FBN1: variants seen among roughly 807,000 people sequenced by gnomAD.
FBN1 encodes the protein fibrillin 1.
FBN1 carries 29 observed loss-of-function variants against 365.1 expected under a neutral mutation model. The observed-to-expected ratio is 0.08, with a 90% CI of 0.06 to 0.11. The LOEUF is 0.11. Ranked by LOEUF, FBN1 falls within the 10% of genes least tolerant of loss-of-function variation. The pLI is 1.00. For missense variants in FBN1, 2,476 were observed against 3,703.2 expected (o/e 0.67, Z 8.60); for synonymous variants, 1,210 against 1,270.5 (o/e 0.95, Z 1.01).
intron 63 of FBN1, among the ~76,000 whole-genome samples, chr15:48,417,656 A>C (rs1191758109): frequency 1.3e-5 from 2 of 152,078 alleles, no homozygotes; most frequent in East Asian, 3.8e-4. Context: ...TATCTTTCTC[A>C]TTCTTCCCTT....
intron 61 of FBN1, 38 bp downstream of exon 61, chr15:48,421,914 G>C (rs770091731): frequency 2.5e-5 from 36 of 1,451,142 alleles, no homozygotes; most frequent in Non-Finnish European, 3.5e-5. Flanking sequence ...TAAAAGAATC[G>C]CTACAATCCA....
chr15:48,477,013 T>C (rs1028040838), intron 32 of FBN1, among the ~76,000 whole-genome samples: 1 of 152,126 alleles, frequency 6.6e-6, no homozygotes, highest in African/African-American at 2.4e-5. Context: ...TTAACTGACT[T>C]ATAGAAATAC....
chr15:48,473,602 T>C (rs2043394913), intron 34 of FBN1, among the ~76,000 whole-genome samples: 1 of 152,154 alleles, frequency 6.6e-6, no homozygotes, highest in Admixed American at 6.5e-5. Context: ...TGGAAGTGAA[T>C]GAATTCCATA....
At chr15:48,424,508 T>C (rs1479421266) in intron 60 of FBN1, among the ~76,000 whole-genome samples, 2 of 152,234 alleles carry the variant, frequency 1.3e-5, no homozygotes, top group Non-Finnish European at 2.9e-5. Context: ...TTTAGTTATA[T>C]ATACCAAGTA....
At chr15:48,575,318 CATATGTATGTAT>C (rs2044336389) in intron 6 of FBN1, among the ~76,000 whole-genome samples, 1 of 129,422 alleles carries the variant, frequency 7.7e-6, no homozygotes, top group Non-Finnish European at 1.6e-5. Flanking sequence ...TATGTATTTA[CATATGTATGTAT>C]GTATGTATGT....
chr15:48,444,845 T>G (rs2043141325), intron 48 of FBN1, among the ~76,000 whole-genome samples, 185 bp from the exon 49 acceptor site: 2 of 152,048 alleles, frequency 1.3e-5, no homozygotes, highest in Non-Finnish European at 2.9e-5. Flanking sequence ...CAAAAATGTA[T>G]AGCATAACAA....
chr15:48,562,427 A>C (rs542534382), intron 6 of FBN1, among the ~76,000 whole-genome samples: 47 of 152,286 alleles, frequency 3.1e-4, no homozygotes, highest in African/African-American at 1.1e-3. Context: ...CATGTTGTGT[A>C]TTACAAATAG....
Position 48,470,692 on chromosome 15 carries a change from C to A in FBN1, c.4401G>T (p.Leu1467=), listed in dbSNP as rs747377334. 17 of 1,613,952 alleles carry A rather than the reference C, an allele frequency of 1.1e-5. No individual in the cohort carries two copies. The Admixed American group carries it at 2.8e-4, about 27-fold the overall frequency. The change falls in exon 36 of 66, where the codon CTG becomes CTT. Residue 1467 remains leucine, a synonymous_variant. Coordinates refer to ENST00000316623, the MANE Select transcript of FBN1 (RefSeq NM_000138.5). The part of the protein sequence containing the change: ...VFGTCHNLPG[L]FRCECEIGYE... The stretch of plus-strand genomic sequence containing the variant: ...AGCCTATCTCACACTCACAGCGGAA[C>A]AGGCCAGGGAGGTTGTGGCAAGTTC...
chr15:48,636,318 T>TA (rs762793794), intron 2 of FBN1, among the ~76,000 whole-genome samples: 5 of 152,024 alleles, frequency 3.3e-5, no homozygotes, highest in African/African-American at 2.4e-5. Flanking sequence ...TGAGACTATA[T>TA]AAAGGAGAAT....
intron 50 of FBN1, 67 bp from the exon 51 acceptor site, chr15:48,437,984 T>C: frequency 6.6e-7 from 1 of 1,523,546 alleles, no homozygotes; most frequent in Admixed American, 1.7e-5. Flanking sequence ...CCATAGCAAA[T>C]AAAGAACAAC....
At chr15:48,504,121 A>G (rs2043688537) in intron 16 of FBN1, among the ~76,000 whole-genome samples, 182 bp from the exon 17 acceptor site, 1 of 152,244 alleles carries the variant, frequency 6.6e-6, no homozygotes, top group Admixed American at 6.5e-5. Context: ...AAACACGTTC[A>G]GCTTCTAAGC....
At chr15:48,417,444 C>CTCCTTTCCTTCCT (rs1369301330) in intron 63 of FBN1, among the ~76,000 whole-genome samples, 1 of 66,136 alleles carries the variant, frequency 1.5e-5, no homozygotes, top group Non-Finnish European at 2.9e-5. Flanking sequence ...CCTCCCCTCC[C>CTCCTTTCCTTCCT]TCCTTTCCTT....
intron 61 of FBN1, 23 bp from the exon 62 acceptor site, chr15:48,421,709 A>G (rs1256996024): frequency 1.2e-6 from 2 of 1,611,200 alleles, no homozygotes; most frequent in Non-Finnish European, 1.7e-6. Context: ...GTGGGGGCAA[A>G]GAGGGGTTAA....
At chr15:48,455,859 G>A (rs752290247) in intron 44 of FBN1, among the ~76,000 whole-genome samples, 2 of 152,070 alleles carry the variant, frequency 1.3e-5, no homozygotes, top group Non-Finnish European at 2.9e-5. Context: ...ACATTAAAAT[G>A]TTGACATATG....
At chr15:48,463,352 G>A (rs1346103646) in intron 41 of FBN1, 112 bp from the exon 42 acceptor site, 23 of 1,078,938 alleles carry the variant, frequency 2.1e-5, no homozygotes, top group Non-Finnish European at 3.1e-5. Context: ...TTGTATTGTA[G>A]CTTGACTTTG....
intron 6 of FBN1, among the ~76,000 whole-genome samples, chr15:48,579,305 T>C (rs891623128): frequency 6.6e-6 from 1 of 152,194 alleles, no homozygotes; most frequent in Non-Finnish European, 1.5e-5. Flanking sequence ...TCTTAAAAAT[T>C]CCATATCAGC....
intron 6 of FBN1, among the ~76,000 whole-genome samples, chr15:48,586,530 GCA>G (rs1169800586): frequency 6.6e-6 from 1 of 152,166 alleles, no homozygotes; most frequent in Non-Finnish European, 1.5e-5. Flanking sequence ...AGGATGGCAT[GCA>G]CACTGACCAC....
At chr15:48,488,315 AAAGAG>A (rs2043527211) in intron 26 of FBN1, 48 bp downstream of exon 26, 21 of 1,542,364 alleles carry the variant, frequency 1.4e-5, no homozygotes, top group Non-Finnish European at 1.7e-5. Context: ...TGTTAAAGAT[AAAGAG>A]TTTTAAAGGA....
At chr15:48,606,468 GA>G (rs2140727701) in intron 4 of FBN1, among the ~76,000 whole-genome samples, 1 of 152,268 alleles carries the variant, frequency 6.6e-6, no homozygotes, top group South Asian at 2.1e-4. Context: ...TCTGATGAGT[GA>G]AAAAAGCCAC....
Sources: allele counts gnomAD v4.1 joint callset (sites outside exome capture counted in the v4.1 genomes callset), GRCh38; gene constraint gnomAD v4.1.1; transcripts MANE v1.5; gene names NCBI Gene and HGNC (gene_info 2026-07-23, HGNC 2026-07-21).